The following TRMT13 variants were observed in gnomAD, a reference collection of about 807,000 sequenced individuals.
TRMT13 encodes the protein tRNA methyltransferase 13.
TRMT13 carries 45 observed loss-of-function variants against 55.9 expected under a neutral mutation model. The observed-to-expected ratio is 0.80, with a 90% CI of 0.63 to 1.03. The LOEUF is 1.03. TRMT13 is among the 50% of genes least tolerant of loss of function. The pLI is 0.00. For missense variants in TRMT13, 513 were observed against 563.9 expected, an observed-to-expected ratio of 0.91 and a Z score of 0.91; for synonymous variants, 183 against 196.3, an observed-to-expected ratio of 0.93 and a Z score of 0.57.
rs1194778258 is a variant in TRMT13, at chr1:100,144,137, G to C, written c.811G>C (p.Ala271Pro). Reference sequence around the variant, plus strand: ...AATTGGAAAGCATCTGTGTGGTATGGCAACAGGTACGTAAACATACTGATA... The same window carrying C: ...AATTGGAAAGCATCTGTGTGGTATGCCAACAGGTACGTAAACATACTGATA... The part of the protein sequence containing the change: ...VGIGKHLCGM[A>P]TDLALRCLVE... Residue 271 changes from alanine (A) to proline (P), a missense_variant, in exon 9 of 11, where the codon GCA becomes CCA. Transcript: ENST00000370141. 6.2e-7 allele frequency: 1 copy of C among 1,612,920 alleles called. No homozygotes were observed.
chr1:100,140,167 T>C lies in TRMT13; in HGVS notation c.325-15T>C. 6.3e-7 allele frequency: 1 copy of C among 1,584,208 alleles called. No individual in the cohort carries two copies. Among genetic ancestry groups the C allele is most frequent in the African/African-American group, 1.4e-5 (1 of 73,776 alleles). On this transcript the variant is annotated splice_polypyrimidine_tract_variant and intron_variant, in intron 4 of 10. Coordinates refer to ENST00000370141, the MANE Select transcript of TRMT13 (RefSeq NM_019083.3). ...AATTTTTGGCTACATTATTTAGTTT[T>C]ATTTTTGTATATAGGTTCCAATTTC... is the stretch of plus-strand genomic sequence containing the variant.
At position 100,143,141 on chromosome 1, in the gene TRMT13, A is replaced by G. The variant is rs777022281; in HGVS notation, c.674A>G (p.Asp225Gly). 6.9e-6 allele frequency: 11 copies of G among 1,605,398 alleles called. No individual in the cohort carries two copies. The highest frequency in any genetic ancestry group is 9.4e-6 in the Non-Finnish European group (11 of 1,173,694). Residue 225 changes from aspartate (D) to glycine (G), a missense_variant, in exon 8 of 11, where the codon GAT becomes GGT. Asp to Gly is a moderately conservative substitution (Grantham distance 94, BLOSUM62 -1). Around this residue, in one of 3 missense-constraint regions of TRMT13, gnomAD observed 298 missense variants for 290.3 expected, o/e 1.03. Transcript: ENST00000370141. ...VEKVTTRFKV[D>G]GKHRKKNSVF... Reference sequence around the variant, plus strand: ...AATAATGTTCTGTTTGTGCAGGTGGATGGAAAACACAGAAAGAAAAATTCA... The same window carrying G: ...AATAATGTTCTGTTTGTGCAGGTGGGTGGAAAACACAGAAAGAAAAATTCA...
intron 9 of TRMT13, 96 bp from the exon 10 acceptor site, chr1:100,147,797 TG>T: frequency 4.3e-6 from 5 of 1,173,786 alleles, no homozygotes; most frequent in Non-Finnish European, 5.8e-6. Flanking sequence ...CTGTTTTTAT[TG>T]TTGAGTTTTT....
Position 100,149,602 on chromosome 1 carries a change from G to T in TRMT13, c.*782G>T. On this transcript the variant is annotated 3_prime_UTR_variant, in exon 11 of 11. Coordinates refer to ENST00000370141, the MANE Select transcript of TRMT13 (RefSeq NM_019083.3). ...ATCAGGTCATTTTTTATATATGTAG[G>T]CACAAACAATAAGTATGTTCTCTTC... is the stretch of plus-strand genomic sequence containing the variant. 1 of 547,618 alleles carries T rather than the reference G, an allele frequency of 1.8e-6. No individual in the cohort carries two copies. The allele number at this position is 547,618 out of a possible 1,614,324, so 33.9% of individuals were successfully genotyped here.
intron 3 of TRMT13, among the ~76,000 whole-genome samples, chr1:100,137,757 C>T (rs17452653): frequency 0.031 from 4,725 of 152,302 alleles, 94 homozygotes; most frequent in Middle Eastern, 0.044. Context: ...TAGCACCGCT[C>T]AGTTACTTTG....
intron 9 of TRMT13, among the ~76,000 whole-genome samples, chr1:100,146,956 T>G (rs1025472032): frequency 6.6e-6 from 1 of 152,248 alleles, no homozygotes; most frequent in South Asian, 2.1e-4. Context: ...CTAATGTTTG[T>G]TGACTTAAAT....
chr1:100,135,595 CAT>C (rs1472998375), intron 1 of TRMT13, among the ~76,000 whole-genome samples: 1 of 152,118 alleles, frequency 6.6e-6, no homozygotes, highest in Non-Finnish European at 1.5e-5. Flanking sequence ...GAAGGTAAGA[CAT>C]ATTTTTGTTC....
chr1:100,141,790 G>GAA (rs1656670245), intron 7 of TRMT13, among the ~76,000 whole-genome samples: 1 of 152,238 alleles, frequency 6.6e-6, no homozygotes, highest in Non-Finnish European at 1.5e-5. Flanking sequence ...TGACTATGTA[G>GAA]AAAAGGTGAT....
At position 100,148,030 on chromosome 1, in the gene TRMT13, A is replaced by C. The variant is rs1570752494; in HGVS notation, c.954A>C (p.Lys318Asn). Residue 318 changes from lysine to asparagine, a missense_variant, in exon 10 of 11, where the codon AAA becomes AAC. By Grantham distance (94) the Lys-to-Asn change is moderately conservative (BLOSUM62 0). This residue lies in a region of TRMT13 where 209 missense variants were observed against 255.8 expected (regional missense o/e 0.82). Transcript: ENST00000370141. The stretch of plus-strand genomic sequence containing the variant: ...CTTTGGCCAAGGAAGGAAATGAAAA[A>C]AATGTCCCAGAGAAGTGGAACCCTG... ...IYTLAKEGNEKNVPEKWNPVA... is the reference protein window; with the variant it reads ...IYTLAKEGNENNVPEKWNPVA... 6.2e-7 allele frequency: 1 copy of C among 1,614,208 alleles called. No homozygotes were observed. The highest frequency in any genetic ancestry group is 8.5e-7 in the Non-Finnish European group (1 of 1,180,046).
Position 100,143,189 on chromosome 1 carries a change from A to G in TRMT13, c.722A>G (p.Asp241Gly). The G allele has an allele frequency of 6.2e-7, 1 of 1,608,504 alleles. No homozygotes were observed. The highest frequency in any genetic ancestry group is 1.1e-5 in the South Asian group (1 of 90,586). Reference sequence around the variant, plus strand: ...TCAGTGTTTGAAAGACTTCAAATTGATATTCAACACTTGTGTTTGAGTAAG... The same window carrying G: ...TCAGTGTTTGAAAGACTTCAAATTGGTATTCAACACTTGTGTTTGAGTAAG... ...KNSVFERLQIDIQHLCLNKIP... is the reference protein window; with the variant it reads ...KNSVFERLQIGIQHLCLNKIP... The change falls in exon 8 of 11, where the codon GAT (aspartate) becomes GGT (glycine). Residue 241 changes from aspartate (D) to glycine (G), a missense_variant. Coordinates refer to ENST00000370141, the MANE Select transcript of TRMT13 (RefSeq NM_019083.3).
chr1:100,141,453 A>C (rs1197937635), intron 7 of TRMT13, among the ~76,000 whole-genome samples: 1 of 152,070 alleles, frequency 6.6e-6, no homozygotes, highest in Non-Finnish European at 1.5e-5. Context: ...TTTCAGCCTC[A>C]TGAGTAGCTG....
rs764438260 is a variant in TRMT13 at position 100,137,006 on chromosome 1, T to C, written c.195-13T>C. 1 of 1,604,378 alleles carries C rather than the reference T, an allele frequency of 6.2e-7. No homozygotes were observed. The highest frequency in any genetic ancestry group is 2.2e-5 in the East Asian group (1 of 44,794). The stretch of plus-strand genomic sequence containing the variant: ...ACAAGTCTCATTTGAAATAATTTTC[T>C]CTTTAAATTTAGCACAGTATATGAA... On this transcript the variant is annotated splice_polypyrimidine_tract_variant and intron_variant, in intron 2 of 10. Transcript: ENST00000370141.
rs1213848707 is a variant in TRMT13, at chr1:100,149,016, T to C, written c.*196T>C. 6.5e-7 allele frequency: 1 copy of C among 1,530,920 alleles called. No homozygotes were observed. The highest frequency in any genetic ancestry group is 1.3e-5 in the South Asian group (1 of 75,670). 94.8% of individuals were successfully genotyped at this position (1,530,920 alleles called of 1,614,324 possible). ...ATTAGAGAATTCACCAAAGTAATCCTCTTTAGAAGGGCATCTTGAATTATA... is the reference window on the plus strand; with the variant it reads ...ATTAGAGAATTCACCAAAGTAATCCCCTTTAGAAGGGCATCTTGAATTATA... On this transcript the variant is annotated 3_prime_UTR_variant, in exon 11 of 11. Coordinates refer to ENST00000370141, the MANE Select transcript of TRMT13 (RefSeq NM_019083.3).
chr1:100,148,577 ACT>A (rs777033841), intron 10 of TRMT13, 46 bp from the exon 11 acceptor site: 2 of 1,544,924 alleles, frequency 1.3e-6, no homozygotes. Context: ...TTTTTTATAA[ACT>A]TTTGCAAAAT....
At chr1:100,143,089 T>A in intron 7 of TRMT13, 48 bp from the exon 8 acceptor site, 1 of 1,273,626 alleles carries the variant, frequency 7.9e-7, no homozygotes, top group Non-Finnish European at 1.1e-6. Flanking sequence ...TCATAAAGCT[T>A]TTTTAAATGT....
intron 3 of TRMT13, among the ~76,000 whole-genome samples, chr1:100,138,505 T>A (rs1656186655): frequency 6.6e-6 from 1 of 152,176 alleles, no homozygotes; most frequent in African/African-American, 2.4e-5. Flanking sequence ...ATTCCTGCAG[T>A]CTTCACTCAT....
intron 8 of TRMT13, 82 bp downstream of exon 8, chr1:100,143,291 C>A: frequency 1.3e-6 from 1 of 774,504 alleles, no homozygotes; most frequent in Non-Finnish European, 2.1e-6. Context: ...TCCAATCATG[C>A]AGAACTGTGC....
At chr1:100,143,252 C>T (rs1201490512) in intron 8 of TRMT13, 43 bp downstream of exon 8, 2 of 1,300,490 alleles carry the variant, frequency 1.5e-6, no homozygotes, top group East Asian at 4.7e-5. Flanking sequence ...TAAATCATAA[C>T]TGTTTTAAAC....
Position 100,148,623 on chromosome 1 carries a change from A to G in TRMT13, c.1251-2A>G, listed in dbSNP as rs771375644. On this transcript the variant is annotated splice_acceptor_variant, in intron 10 of 10. Transcript: ENST00000370141. LOFTEE classifies it high-confidence loss of function. Reference sequence around the variant, plus strand: ...TGTTTTGTGTGTGTTTATTCAATTTAGGCTTCTTAGTGTTGAAGAAAAGAA... The same window carrying G: ...TGTTTTGTGTGTGTTTATTCAATTTGGGCTTCTTAGTGTTGAAGAAAAGAA... The G allele has an allele frequency of 6.3e-7, 1 of 1,596,884 alleles. No homozygotes were observed. The highest frequency in any genetic ancestry group is 8.5e-7 in the Non-Finnish European group (1 of 1,175,266).
Sources: allele counts gnomAD v4.1 joint callset (sites outside exome capture counted in the v4.1 genomes callset), GRCh38; gene constraint gnomAD v4.1.1; regional missense constraint gnomAD v4.1.1; transcripts MANE v1.5; gene names NCBI Gene and HGNC (gene_info 2026-07-23, HGNC 2026-07-21).